The following ASIC2 variants were observed in gnomAD, a reference collection of about 807,000 sequenced individuals.
The protein encoded by ASIC2 is acid-sensing ion channel 2.
Under a neutral mutation model 57.3 loss-of-function variants are expected in ASIC2, and 25 were observed. The observed-to-expected ratio is 0.44, with a 90% confidence interval of 0.32 to 0.61. The LOEUF (loss-of-function observed/expected upper bound fraction) is 0.61. Ranked by LOEUF, ASIC2 falls within the 20% of genes least tolerant of loss-of-function variation. The probability of loss-of-function intolerance (pLI) is 0.06; values close to 1 mark genes in which losing one functional copy is unlikely to be tolerated. For missense variants in ASIC2, 641 were observed against 738.1 expected, an observed-to-expected ratio of 0.87 and a Z score of 1.52; for synonymous variants, 319 against 307.5, an observed-to-expected ratio of 1.04 and a Z score of -0.39.
At chr17:33,947,335 T>G (rs1834880942) in intron 1 of ASIC2, among the ~76,000 whole-genome samples, 1 of 152,218 alleles carries the variant, frequency 6.6e-6, no homozygotes, top group Non-Finnish European at 1.5e-5. Flanking sequence ...CCATTGGCGT[T>G]TCGCTCTAAT....
chr17:33,057,685 C>T (rs768261359), intron 3 of ASIC2, among the ~76,000 whole-genome samples: 3 of 152,194 alleles, frequency 2.0e-5, no homozygotes, highest in African/African-American at 2.4e-5. Flanking sequence ...TGGGTTGAAC[C>T]GCCTGGAAAC....
chr17:34,117,039 T>A (rs971850483), intron 1 of ASIC2, among the ~76,000 whole-genome samples: 1 of 152,178 alleles, frequency 6.6e-6, no homozygotes, highest in African/African-American at 2.4e-5. Flanking sequence ...CCTGGAAATA[T>A]GTATCGTGGG....
intron 1 of ASIC2, among the ~76,000 whole-genome samples, chr17:34,049,659 T>C (rs774958178): frequency 3.3e-5 from 5 of 152,212 alleles, no homozygotes; most frequent in Admixed American, 6.5e-5. Context: ...CAAAACCCAC[T>C]GTAATATTTC....
At chr17:33,849,129 G>T (rs1913693282) in intron 1 of ASIC2, among the ~76,000 whole-genome samples, 1 of 152,184 alleles carries the variant, frequency 6.6e-6, no homozygotes, top group African/African-American at 2.4e-5. Flanking sequence ...GAATAAATGT[G>T]CTCATTAATT....
At position 33,028,290 on chromosome 17, in the gene ASIC2, T is replaced by G; in HGVS notation, c.1090A>C (p.Thr364Pro). The G allele has an allele frequency of 6.2e-7, 1 of 1,614,064 alleles. No homozygotes were observed. Among genetic ancestry groups the G allele is most frequent in the Non-Finnish European group, 8.5e-7 (1 of 1,180,028 alleles). ...TTGCAGTTTTCCACAATGTAGCGGG[T>G]CTCACAGTCAATCCTACAGGCGGTG... ...SITACRIDCE[T>P]RYIVENCNCR... The change falls in exon 4 of 10, where the codon ACC becomes CCC. Residue 364 changes from threonine (T) to proline (P), a missense_variant. This residue lies in a region of ASIC2 where 252 missense variants were observed against 319.8 expected (regional missense o/e 0.79). Transcript: ENST00000225823.
intron 1 of ASIC2, among the ~76,000 whole-genome samples, chr17:33,309,598 G>A (rs1906324247): frequency 6.6e-6 from 1 of 151,852 alleles, no homozygotes; most frequent in Admixed American, 6.6e-5. Context: ...CACCTCCACT[G>A]TCCCCTTCCT....
At chr17:33,204,264 G>C (rs995395422) in intron 1 of ASIC2, among the ~76,000 whole-genome samples, 1 of 152,202 alleles carries the variant, frequency 6.6e-6, no homozygotes. Flanking sequence ...GGCCCTACTT[G>C]TCTCTCCCCT....
chr17:33,675,731 C>T (rs1413705750), intron 1 of ASIC2, among the ~76,000 whole-genome samples: 5 of 152,090 alleles, frequency 3.3e-5, no homozygotes, highest in South Asian at 2.1e-4. Flanking sequence ...ACTACCACAC[C>T]GGGCTAATTT....
intron 1 of ASIC2, among the ~76,000 whole-genome samples, chr17:33,774,266 G>A (rs1911200515): frequency 6.6e-6 from 1 of 152,046 alleles, no homozygotes; most frequent in Non-Finnish European, 1.5e-5. Context: ...AAGGAAATTT[G>A]GGTGAGGTCA....
At chr17:33,825,535 C>G (rs1159969894) in intron 1 of ASIC2, among the ~76,000 whole-genome samples, 4 of 152,188 alleles carry the variant, frequency 2.6e-5, no homozygotes, top group South Asian at 4.1e-4. Flanking sequence ...CACAGCATTT[C>G]TAGCCTGCAC....
At chr17:33,832,280 C>T (rs1192777245) in intron 1 of ASIC2, among the ~76,000 whole-genome samples, 4 of 152,212 alleles carry the variant, frequency 2.6e-5, no homozygotes, top group Admixed American at 6.5e-5. Flanking sequence ...ATGAATTCTC[C>T]ACAATTCCTG....
At chr17:33,896,797 G>A (rs1335880911) in intron 1 of ASIC2, among the ~76,000 whole-genome samples, 2 of 152,190 alleles carry the variant, frequency 1.3e-5, no homozygotes, top group Non-Finnish European at 2.9e-5. Context: ...ACTGTCTCCT[G>A]TGTCCCAGGG....
intron 1 of ASIC2, among the ~76,000 whole-genome samples, chr17:34,130,754 T>G (rs1350667692): frequency 6.6e-6 from 1 of 152,228 alleles, no homozygotes; most frequent in Non-Finnish European, 1.5e-5. Flanking sequence ...TTTGCATAAC[T>G]AGTGCATCCC....
chr17:33,019,016 C>T (rs1430861633), intron 7 of ASIC2, among the ~76,000 whole-genome samples: 2 of 152,150 alleles, frequency 1.3e-5, no homozygotes, highest in Non-Finnish European at 2.9e-5. Flanking sequence ...CAGTGGAACG[C>T]GGTGCTGGCC....
chr17:33,815,820 C>G (rs1396501978), intron 1 of ASIC2, among the ~76,000 whole-genome samples: 1 of 152,160 alleles, frequency 6.6e-6, no homozygotes, highest in Non-Finnish European at 1.5e-5. Flanking sequence ...TCTCATTTTA[C>G]AGATGGGGAA....
intron 1 of ASIC2, among the ~76,000 whole-genome samples, chr17:34,015,465 G>A (rs533528577): frequency 6.6e-6 from 1 of 152,200 alleles, no homozygotes; most frequent in African/African-American, 2.4e-5. Flanking sequence ...AGTGCCATCC[G>A]GCCAGGCCAT....
intron 1 of ASIC2, among the ~76,000 whole-genome samples, chr17:33,614,449 G>A (rs1180245887): frequency 1.3e-5 from 2 of 152,208 alleles, no homozygotes; most frequent in African/African-American, 4.8e-5. Context: ...ACCCTGCACA[G>A]CCAGATCTGT....
chr17:34,133,360 C>T (rs1263970495), intron 1 of ASIC2, among the ~76,000 whole-genome samples: 3 of 152,154 alleles, frequency 2.0e-5, no homozygotes, highest in Non-Finnish European at 4.4e-5. Flanking sequence ...ATGGTTCTTT[C>T]CTCTCACCTA....
intron 1 of ASIC2, among the ~76,000 whole-genome samples, chr17:33,770,532 A>G (rs756860729): frequency 2.6e-5 from 4 of 152,162 alleles, no homozygotes; most frequent in Non-Finnish European, 5.9e-5. Context: ...AGTTCACTCT[A>G]TGCCAACTCT....
Sources: allele counts gnomAD v4.1 joint callset (sites outside exome capture counted in the v4.1 genomes callset), GRCh38; gene constraint gnomAD v4.1.1; regional missense constraint gnomAD v4.1.1; transcripts MANE v1.5; gene names NCBI Gene and HGNC (gene_info 2026-07-23, HGNC 2026-07-21).